Variants in GNAQ observed in about 807,000 individuals in gnomAD.
GNAQ encodes the protein guanine nucleotide-binding protein G(q) subunit alpha.
GNAQ carries 8 observed loss-of-function variants against 43.9 expected under a neutral mutation model. The ratio of observed to expected loss-of-function variants is 0.18; its 90% CI spans 0.11 to 0.33. The LOEUF (loss-of-function observed/expected upper bound fraction) is 0.33, where lower values mean the gene tolerates loss of function less well. Ranked by LOEUF, GNAQ falls within the 10% of genes least tolerant of loss-of-function variation. GNAQ has a pLI of 1.00. For synonymous variants in GNAQ, 155 were observed against 170.7 expected (o/e 0.91, Z 0.71); for missense variants, 158 against 450.8 (o/e 0.35, Z 5.88).
chr9:78,031,637 G>A lies in GNAQ; in HGVS notation c.-402C>T, dbSNP rs1824063817. ...CGAGGCTCCCCTACGCCGTGCGCCTGGCGGCGAGAGCTCATTCACCGGGGT... is the reference window on the plus strand; with the variant it reads ...CGAGGCTCCCCTACGCCGTGCGCCTAGCGGCGAGAGCTCATTCACCGGGGT... On this transcript the variant is annotated 5_prime_UTR_variant, in exon 1 of 7. An upstream open reading frame in the 5' UTR gains an earlier in-frame stop. Coordinates refer to ENST00000286548, the MANE Select transcript of GNAQ (RefSeq NM_002072.5). Among the ~76,000 whole-genome samples the A allele has an allele frequency of 1.4e-5, 2 of 147,488 alleles. No individual in the cohort carries two copies. Among genetic ancestry groups the A allele is most frequent in the Non-Finnish European group, 3.0e-5 (2 of 66,200 alleles).
chr9:77,792,100 C>T (rs1826584343), intron 5 of GNAQ, among the ~76,000 whole-genome samples: 1 of 152,074 alleles, frequency 6.6e-6, no homozygotes, highest in African/African-American at 2.4e-5. Flanking sequence ...TAATTACAGA[C>T]AGTGATAGCT....
At chr9:77,861,248 G>C (rs1258986501) in intron 2 of GNAQ, among the ~76,000 whole-genome samples, 1 of 152,184 alleles carries the variant, frequency 6.6e-6, no homozygotes, top group Non-Finnish European at 1.5e-5. Context: ...GCCCAGGAAA[G>C]ACCTGCCTCC....
At chr9:77,725,670 G>T (rs1428931634) in intron 6 of GNAQ, among the ~76,000 whole-genome samples, 2 of 151,556 alleles carry the variant, frequency 1.3e-5, no homozygotes, top group African/African-American at 4.8e-5. Context: ...TAGTGGTGGG[G>T]AATCTGGGGA....
intron 1 of GNAQ, among the ~76,000 whole-genome samples, chr9:78,017,953 A>AGG (rs1823859330): frequency 2.6e-5 from 4 of 152,154 alleles, no homozygotes; most frequent in African/African-American, 9.7e-5. Flanking sequence ...TTCTAATAAT[A>AGG]TTGTTCATGA....
intron 6 of GNAQ, among the ~76,000 whole-genome samples, chr9:77,726,973 A>T (rs1418900906): frequency 6.6e-6 from 1 of 152,248 alleles, no homozygotes; most frequent in Non-Finnish European, 1.5e-5. Context: ...GTGTGAAAGC[A>T]GCCATAGACA....
At chr9:77,948,589 TC>T (rs2118369701) in intron 1 of GNAQ, among the ~76,000 whole-genome samples, 1 of 152,144 alleles carries the variant, frequency 6.6e-6, no homozygotes, top group African/African-American at 2.4e-5. Context: ...TAACACAGCG[TC>T]CTAAGAAGTG....
chr9:77,728,770 G>A (rs990411618), intron 5 of GNAQ, 103 bp from the exon 6 acceptor site: 33 of 781,160 alleles, frequency 4.2e-5, no homozygotes, highest in Non-Finnish European at 4.0e-5. Flanking sequence ...TTTTGTATAC[G>A]ACCAGTTTTT....
intron 1 of GNAQ, among the ~76,000 whole-genome samples, chr9:77,962,406 G>C (rs990698022): frequency 2.0e-5 from 3 of 151,956 alleles, no homozygotes; most frequent in African/African-American, 7.3e-5. Flanking sequence ...CAGTAACAGA[G>C]AGAAAATCCT....
At chr9:77,928,535 A>G (rs1406667601) in intron 1 of GNAQ, among the ~76,000 whole-genome samples, 1 of 152,208 alleles carries the variant, frequency 6.6e-6, no homozygotes, top group Non-Finnish European at 1.5e-5. Flanking sequence ...TTAGAAGGTC[A>G]TGTCAGTCCT....
chr9:77,922,085 A>T, intron 2 of GNAQ, 76 bp downstream of exon 2: 1 of 945,520 alleles, frequency 1.1e-6, no homozygotes, highest in Non-Finnish European at 1.7e-6. Flanking sequence ...ACATGTCAAG[A>T]GGCTACTCGT....
intron 2 of GNAQ, among the ~76,000 whole-genome samples, chr9:77,882,445 A>AATTTAGTTAATTT (rs1828229905): frequency 6.6e-6 from 1 of 152,238 alleles, no homozygotes; most frequent in Admixed American, 6.5e-5. Flanking sequence ...TAAAGGTTGC[A>AATTTAGTTAATTT]AACAAGCAAG....
chr9:77,950,932 A>G (rs1564160981), intron 1 of GNAQ, among the ~76,000 whole-genome samples: 1 of 152,272 alleles, frequency 6.6e-6, no homozygotes, highest in East Asian at 1.9e-4. Context: ...ATCTATATTT[A>G]AAAAGGTTAT....
chr9:78,029,842 C>T (rs1824027601), intron 1 of GNAQ, among the ~76,000 whole-genome samples: 1 of 152,200 alleles, frequency 6.6e-6, no homozygotes, highest in Non-Finnish European at 1.5e-5. Flanking sequence ...TTGAGAAACA[C>T]ATTTATTATA....
At chr9:77,924,168 A>C (rs1829036392) in intron 1 of GNAQ, among the ~76,000 whole-genome samples, 1 of 152,200 alleles carries the variant, frequency 6.6e-6, no homozygotes, top group Admixed American at 6.5e-5. Context: ...ACCCCAGTTT[A>C]ACAGGATTAA....
At chr9:78,030,574 C>T (rs1219146366) in intron 1 of GNAQ, 13 of 469,970 alleles carry the variant, frequency 2.8e-5, no homozygotes, top group Non-Finnish European at 5.7e-5. Flanking sequence ...TCCCTCCTGA[C>T]CCCATAGGGC....
chr9:77,913,611 C>A (rs1828844258), intron 2 of GNAQ, among the ~76,000 whole-genome samples: 2 of 152,130 alleles, frequency 1.3e-5, no homozygotes, highest in East Asian at 3.9e-4. Flanking sequence ...GTGAATTCCA[C>A]AAACACAATG....
At chr9:77,991,171 A>G (rs1031532175) in intron 1 of GNAQ, among the ~76,000 whole-genome samples, 1 of 152,340 alleles carries the variant, frequency 6.6e-6, no homozygotes, top group South Asian at 2.1e-4. Context: ...TCATTTGTTC[A>G]CTCAGAGAAT....
intron 5 of GNAQ, among the ~76,000 whole-genome samples, chr9:77,766,048 T>G (rs1395172239): frequency 1.3e-5 from 2 of 152,140 alleles, no homozygotes; most frequent in Non-Finnish European, 1.5e-5. Flanking sequence ...TTCATAGAGA[T>G]AGAATGGTGG....
chr9:77,909,080 T>C (rs371019341), intron 2 of GNAQ, among the ~76,000 whole-genome samples: 1 of 152,148 alleles, frequency 6.6e-6, no homozygotes, highest in African/African-American at 2.4e-5. Flanking sequence ...GAGAGTGCTG[T>C]AGAGAGAAAA....
Sources: gnomAD v4.1 joint callset for allele counts (sites outside exome capture counted in the v4.1 genomes callset) on GRCh38, gnomAD v4.1.1 for gene constraint, MANE v1.5 for transcripts, NCBI Gene and HGNC (gene_info 2026-07-23, HGNC 2026-07-21) for gene names.